Variants in KLF7 observed in about 807,000 individuals in gnomAD.
KLF7 encodes KLF transcription factor 7.
In KLF7, 2 loss-of-function variants were observed where a neutral mutation model predicts 27.3. That is an observed-to-expected ratio of 0.07 (90% CI 0.03 to 0.23). The LOEUF (loss-of-function observed/expected upper bound fraction) is 0.23. Among genes scored for constraint, KLF7 ranks in the 10% least tolerant of loss-of-function variants. The pLI is 1.00. For missense variants in KLF7, 221 were observed against 394.1 expected (o/e 0.56, Z 3.72); for synonymous variants, 165 against 162.4 (o/e 1.02, Z -0.12).
intron 1 of KLF7, among the ~76,000 whole-genome samples, chr2:207,136,170 T>C (rs2077781222): frequency 6.6e-6 from 1 of 152,196 alleles, no homozygotes; most frequent in African/African-American, 2.4e-5. Flanking sequence ...GAGAATTCAC[T>C]TCCTTCCCTG....
intron 2 of KLF7, among the ~76,000 whole-genome samples, chr2:207,117,054 T>G (rs1479039537): frequency 1.3e-5 from 2 of 152,010 alleles, no homozygotes; most frequent in Non-Finnish European, 2.9e-5. Context: ...AATTTCATGC[T>G]TTTCTTTCTC....
intron 2 of KLF7, among the ~76,000 whole-genome samples, chr2:207,099,100 C>T (rs552857228): frequency 1.6e-4 from 25 of 152,194 alleles, no homozygotes; most frequent in African/African-American, 6.0e-4. Flanking sequence ...GGAAACTTCC[C>T]CTAAAAATGC....
At position 207,124,062 on chromosome 2, in the gene KLF7, C is replaced by G; in HGVS notation, c.445G>C (p.Val149Leu). ...GCAGAGAGAGTTTGTGAGGTTTTGACCAGATGGCGGCTGAGCTCAGGGGAC... is the reference window on the plus strand; with the variant it reads ...GCAGAGAGAGTTTGTGAGGTTTTGAGCAGATGGCGGCTGAGCTCAGGGGAC... ...PSSPELSRHL[V>L]KTSQTLSAVD... Residue 149 changes from valine (V) to leucine (L), a missense_variant, in exon 2 of 4, where the codon GTC becomes CTC. Around this residue, in one of 3 missense-constraint regions of KLF7, gnomAD observed 180 missense variants for 227.9 expected, o/e 0.79. Coordinates refer to ENST00000309446, the MANE Select transcript of KLF7 (RefSeq NM_003709.4). 6.2e-7 allele frequency: 1 copy of G among 1,614,150 alleles called. No individual in the cohort carries two copies. The highest frequency in any genetic ancestry group is 8.5e-7 in the Non-Finnish European group (1 of 1,180,040).
chr2:207,158,076 A>G (rs2078440409), intron 1 of KLF7, among the ~76,000 whole-genome samples: 1 of 152,182 alleles, frequency 6.6e-6, no homozygotes, highest in Non-Finnish European at 1.5e-5. Flanking sequence ...GATGTAGAGT[A>G]TAGCTGTGAG....
intron 2 of KLF7, among the ~76,000 whole-genome samples, chr2:207,111,911 C>T (rs185550758): frequency 1.3e-5 from 2 of 152,062 alleles, no homozygotes; most frequent in African/African-American, 2.4e-5. Flanking sequence ...TCCAATCAAC[C>T]GGTGAAGAGG....
chr2:207,112,826 C>A (rs1194685244), intron 2 of KLF7, among the ~76,000 whole-genome samples: 2 of 152,272 alleles, frequency 1.3e-5, no homozygotes, highest in East Asian at 1.9e-4. Flanking sequence ...TTTTTTAAAT[C>A]ACAAAATTGA....
At chr2:207,120,964 C>A (rs1267492885) in intron 2 of KLF7, 1 of 152,210 alleles carries the variant, frequency 6.6e-6, no homozygotes, top group Non-Finnish European at 1.5e-5. Flanking sequence ...CAAATTAATT[C>A]ATATTCTCCC....
Position 207,123,770 on chromosome 2 carries a change from C to T in KLF7, c.733+4G>A. On this transcript the variant is annotated splice_donor_region_variant and intron_variant, in intron 2 of 3. Coordinates refer to ENST00000309446, the MANE Select transcript of KLF7 (RefSeq NM_003709.4). Reference sequence around the variant, plus strand: ...AACCACGTGCGGCCAACTTGTACCACTACCTGTGTGAGTCCTCTGGTGGGC... The same window carrying T: ...AACCACGTGCGGCCAACTTGTACCATTACCTGTGTGAGTCCTCTGGTGGGC... 1 of 1,609,726 alleles carries T rather than the reference C, an allele frequency of 6.2e-7. No individual in the cohort carries two copies. The highest frequency in any genetic ancestry group is 8.5e-7 in the Non-Finnish European group (1 of 1,177,664).
In KLF7 at chr2:207,137,011, C is replaced by G. The variant is rs182579045; in HGVS notation, c.103-12607G>C. On this transcript the variant is annotated intron_variant, in intron 1 of 3. Transcript: ENST00000309446. ...TGTGGCTGCCCATTTCAAATAGACA[C>G]AAAGAGGGCTTTTCTCCTCAGCAGT... 1.8e-3 allele frequency among the ~76,000 whole-genome samples: 269 copies of G among 152,250 alleles called. 2 individuals carry two copies. Among genetic ancestry groups the G allele is most frequent in the Admixed American group, 2.9e-3 (45 of 15,286 alleles).
At chr2:207,169,887 C>A (rs1173233532), upstream of KLF7, among the ~76,000 whole-genome samples, 2 of 152,090 alleles carry the variant, frequency 1.3e-5, no homozygotes, top group Admixed American at 1.3e-4. Flanking sequence ...ACTGGCTCTT[C>A]CCCTCCTCTC....
chr2:207,097,170 G>A (rs1313442441), intron 2 of KLF7, among the ~76,000 whole-genome samples: 1 of 152,126 alleles, frequency 6.6e-6, no homozygotes, highest in Non-Finnish European at 1.5e-5. Flanking sequence ...TTCTAGTTCT[G>A]GCTCTGCCAC....
In KLF7 at chr2:207,078,635, C is replaced by T. The variant is rs1305987944; in HGVS notation, c.*2578G>A. 6.6e-6 allele frequency: 1 copy of T among 152,194 alleles called. No individual in the cohort carries two copies. The highest frequency in any genetic ancestry group is 2.4e-5 in the African/African-American group (1 of 41,448). 9.4% of individuals were successfully genotyped at this position (152,194 alleles called of 1,614,324 possible). A position where few individuals can be genotyped will look rare whatever the true frequency, so the allele number is the denominator to read the frequency against. ...TAATGCCATCACTGGCGTGTGCGTG[C>T]ATTCATGCTGGAGGCTGCTACATAA... On this transcript the variant is annotated 3_prime_UTR_variant, in exon 4 of 4. Transcript: ENST00000309446.
chr2:207,171,897 T>C (rs2078789300), upstream of KLF7, among the ~76,000 whole-genome samples: 1 of 152,198 alleles, frequency 6.6e-6, no homozygotes. Context: ...TATGCCTGTA[T>C]TTAACAATAT....
chr2:207,118,867 T>C (rs1039806142), intron 2 of KLF7, among the ~76,000 whole-genome samples: 4 of 152,218 alleles, frequency 2.6e-5, no homozygotes, highest in Admixed American at 2.6e-4. Context: ...TGTTTGCCTT[T>C]TGAATGCTAC....
chr2:207,125,291 T>C (rs2077449889), intron 1 of KLF7, among the ~76,000 whole-genome samples: 2 of 152,344 alleles, frequency 1.3e-5, no homozygotes, highest in Admixed American at 6.5e-5. Context: ...TTTTGTAAGA[T>C]GGGGGAGTGC....
At chr2:207,103,764 T>G (rs910709224) in intron 2 of KLF7, among the ~76,000 whole-genome samples, 1 of 152,208 alleles carries the variant, frequency 6.6e-6, no homozygotes, top group East Asian at 1.9e-4. Context: ...ATAGAGCTAA[T>G]CCCTTCTTCA....
chr2:207,088,905 G>A (rs974207347), intron 2 of KLF7, among the ~76,000 whole-genome samples: 3 of 152,040 alleles, frequency 2.0e-5, no homozygotes, highest in South Asian at 2.1e-4. Flanking sequence ...TCGATTCCCC[G>A]GAGCACTTTC....
At chr2:207,130,384 CCA>C (rs1291470740) in intron 1 of KLF7, among the ~76,000 whole-genome samples, 2 of 152,186 alleles carry the variant, frequency 1.3e-5, no homozygotes, top group Non-Finnish European at 2.9e-5. Flanking sequence ...ATCTTAGAGT[CCA>C]CAGATTGGTG....
In KLF7 at chr2:207,078,093, T is replaced by G. The variant is rs532646676; in HGVS notation, c.*3120A>C. The stretch of plus-strand genomic sequence containing the variant: ...GGCTCTTAGTAACCATCTCTGCCAC[T>G]GCAGAGGTGATGGACGTTTTATTAC... On this transcript the variant is annotated 3_prime_UTR_variant, in exon 4 of 4. Coordinates refer to ENST00000309446, the MANE Select transcript of KLF7 (RefSeq NM_003709.4). 2 of 152,368 alleles carry G rather than the reference T, an allele frequency of 1.3e-5. No homozygotes were observed. The highest frequency in any genetic ancestry group is 4.8e-5 in the African/African-American group (2 of 41,592). 9.4% of individuals were successfully genotyped at this position (152,368 alleles called of 1,614,324 possible).
Sources: allele counts gnomAD v4.1 joint callset (sites outside exome capture counted in the v4.1 genomes callset), GRCh38; gene constraint gnomAD v4.1.1; regional missense constraint gnomAD v4.1.1; transcripts MANE v1.5; gene names NCBI Gene and HGNC (gene_info 2026-07-23, HGNC 2026-07-21).